The following CIMAP1B variants were observed in gnomAD, a reference collection of about 807,000 sequenced individuals.
CIMAP1B encodes the protein ciliary microtubule associated protein 1B, also known as orf2 5' to PD-ECGF/TP.
At chr22:50,531,613 G>A in the CIMAP1B span, 6 of 1,405,952 alleles carry the variant, frequency 4.3e-6, no homozygotes, top group Non-Finnish European at 5.5e-6. Flanking sequence ...GTGGGCGGCC[G>A]TAGATGGAGT....
the CIMAP1B span, chr22:50,531,456 A>C: frequency 9.3e-7 from 1 of 1,070,696 alleles, no homozygotes; most frequent in Non-Finnish European, 1.3e-6. Flanking sequence ...GGGGTACCGA[A>C]TATGCGGTGT....
chr22:50,530,752 T>C, the CIMAP1B span: 1 of 1,610,126 alleles, frequency 6.2e-7, no homozygotes, highest in Non-Finnish European at 8.5e-7. Flanking sequence ...CTTCCGAGTG[T>C]TGTCTTGGGG....
At chr22:50,531,823 C>A in the CIMAP1B span, 2 of 1,341,244 alleles carry the variant, frequency 1.5e-6, no homozygotes, top group Non-Finnish European at 1.9e-6. Context: ...CAAGCCCCAT[C>A]TGCAACACGG....
the CIMAP1B span, chr22:50,532,082 C>T: frequency 1.5e-6 from 2 of 1,365,900 alleles, no homozygotes; most frequent in Non-Finnish European, 1.9e-6. Flanking sequence ...GCCCATAGCG[C>T]GGGTGGGGGG....
At chr22:50,531,723 C>G in the CIMAP1B span, 1 of 1,365,200 alleles carries the variant, frequency 7.3e-7, no homozygotes, top group Non-Finnish European at 9.4e-7. Context: ...AAGCGCGCGC[C>G]GAAGGTGAAG....
At chr22:50,531,660 G>A in the CIMAP1B span, 2 of 1,373,846 alleles carry the variant, frequency 1.5e-6, no homozygotes, top group Admixed American at 3.8e-5. Flanking sequence ...ACGGTCATGC[G>A]AGCGGGCACC....
the CIMAP1B span, chr22:50,531,261 C>T: frequency 1.9e-6 from 3 of 1,610,482 alleles, no homozygotes; most frequent in Non-Finnish European, 2.5e-6. Context: ...CACTGGGGTA[C>T]GTCGCGTTCC....
chr22:50,531,121 C>G, the CIMAP1B span: 1 of 1,587,780 alleles, frequency 6.3e-7, no homozygotes, highest in Non-Finnish European at 8.6e-7. Context: ...GTGGTCCCAG[C>G]TCCCGGAGGG....
At chr22:50,531,946 A>G in the CIMAP1B span, 67 of 1,311,740 alleles carry the variant, frequency 5.1e-5, no homozygotes, top group African/African-American at 9.3e-4. Flanking sequence ...CCACCCCTCA[A>G]TCCCGGGGCC....
chr22:50,532,188 C>T, the CIMAP1B span: 1 of 1,267,424 alleles, frequency 7.9e-7, no homozygotes, highest in Non-Finnish European at 1.0e-6. Context: ...ACCCTGGGAT[C>T]AGCGCGGGGC....
the CIMAP1B span, chr22:50,530,747 G>T: frequency 3.7e-6 from 6 of 1,610,682 alleles, no homozygotes; most frequent in South Asian, 6.6e-5. Context: ...CCTGGCTTCC[G>T]AGTGTTGTCT....
At chr22:50,531,353 C>T in the CIMAP1B span, 2 of 1,378,920 alleles carry the variant, frequency 1.5e-6, no homozygotes, top group Non-Finnish European at 2.0e-6. Context: ...TGGTGGGTAC[C>T]CGAGATGGGG....
chr22:50,530,885 T>C, the CIMAP1B span: 16 of 1,607,204 alleles, frequency 1.0e-5, no homozygotes, highest in African/African-American at 2.7e-5. Flanking sequence ...GGCTGCCGCC[T>C]CCACTGCCGC....
the CIMAP1B span, chr22:50,530,814 C>A: frequency 6.2e-7 from 1 of 1,604,856 alleles, no homozygotes; most frequent in South Asian, 1.1e-5. Context: ...ACTTGTAGAC[C>A]CCTGGACTCA....
chr22:50,532,252 T>G, the CIMAP1B span: 75 of 813,620 alleles, frequency 9.2e-5, no homozygotes, highest in South Asian at 1.5e-4. Context: ...GCGAGCTTCC[T>G]TCCCGGCTGT....
At chr22:50,531,038 G>A in the CIMAP1B span, 2 of 1,609,948 alleles carry the variant, frequency 1.2e-6, no homozygotes, top group Non-Finnish European at 1.7e-6. Context: ...AAGAGCGAGG[G>A]CACCGTATAG....
chr22:50,531,588 A>G, the CIMAP1B span: 1 of 1,413,112 alleles, frequency 7.1e-7, no homozygotes. Flanking sequence ...GGAGTGAGGA[A>G]GGGCGCTGAG....
the CIMAP1B span, chr22:50,531,784 C>G: frequency 7.4e-7 from 1 of 1,356,676 alleles, no homozygotes; most frequent in Non-Finnish European, 9.5e-7. Context: ...CTGGGAGCAT[C>G]CGAGTTAGCG....
chr22:50,531,444 T>C, the CIMAP1B span: 2 of 1,057,092 alleles, frequency 1.9e-6, no homozygotes, highest in Non-Finnish European at 1.3e-6. Context: ...GATCCGGATA[T>C]GGGGGTACCG....
Sources: gnomAD v4.1 joint callset for allele counts on GRCh38, gnomAD v4.1.1 for gene constraint, MANE v1.5 for transcripts, NCBI Gene and HGNC (gene_info 2026-07-23, HGNC 2026-07-21) for gene names.